The following CHRNA3 variants were observed in gnomAD, a reference collection of about 807,000 sequenced individuals.
CHRNA3 encodes the protein cholinergic receptor nicotinic alpha 3 subunit.
In CHRNA3, 34 loss-of-function variants were observed where a neutral mutation model predicts 41.9. That is an observed-to-expected ratio of 0.81 (90% CI 0.62 to 1.08). CHRNA3 has a LOEUF of 1.08. Among genes scored for constraint, CHRNA3 ranks in the 50% least tolerant of loss-of-function variants. CHRNA3 has a pLI of 0.00. For missense variants in CHRNA3, 542 were observed against 638.3 expected (o/e 0.85, Z 1.63); for synonymous variants, 281 against 265.2 (o/e 1.06, Z -0.58).
At chr15:78,597,702 C>T (rs2053135173) in intron 5 of CHRNA3, among the ~76,000 whole-genome samples, 2 of 152,114 alleles carry the variant, frequency 1.3e-5, no homozygotes, top group East Asian at 3.9e-4. Flanking sequence ...TCAATTTGGG[C>T]TTGAAATAGG....
intron 4 of CHRNA3, 140 bp from the exon 5 acceptor site, chr15:78,602,404 C>T (rs943019249): frequency 3.1e-6 from 3 of 956,482 alleles, no homozygotes; most frequent in African/African-American, 3.3e-5. Context: ...TAAAAGGTCA[C>T]CCATTTCCTG....
chr15:78,602,351 GTAAT>G, intron 4 of CHRNA3, 87 bp from the exon 5 acceptor site: 2 of 1,394,822 alleles, frequency 1.4e-6, no homozygotes, highest in Non-Finnish European at 1.9e-6. Flanking sequence ...CTCACAGTAA[GTAAT>G]GATTTGGAAG....
chr15:78,609,773 C>T (rs1054370238), intron 4 of CHRNA3, among the ~76,000 whole-genome samples: 1 of 152,156 alleles, frequency 6.6e-6, no homozygotes, highest in Non-Finnish European at 1.5e-5. Flanking sequence ...AATTAAAAGA[C>T]ACAGACTAGC....
At chr15:78,610,653 A>G (rs569643528) in intron 4 of CHRNA3, among the ~76,000 whole-genome samples, 1 of 151,842 alleles carries the variant, frequency 6.6e-6, no homozygotes, top group Admixed American at 6.6e-5. Context: ...CCCTAACATC[A>G]CAATTAAAAG....
intron 4 of CHRNA3, among the ~76,000 whole-genome samples, chr15:78,613,159 T>G (rs1315796814): frequency 6.6e-6 from 1 of 152,210 alleles, no homozygotes; most frequent in South Asian, 2.1e-4. Context: ...GAAGTCAGTG[T>G]GCCGATTCCT....
At chr15:78,613,586 GGGAGAGATAGCATTA>G in intron 4 of CHRNA3, among the ~76,000 whole-genome samples, 1 of 131,796 alleles carries the variant, frequency 7.6e-6, no homozygotes, top group South Asian at 2.9e-4. Flanking sequence ...GGGGGGAGGG[GGGAGAGATAGCATTA>G]GGAGATATAC....
At position 78,618,833 on chromosome 15, in the gene CHRNA3, G is replaced by A. The variant is rs760225919; in HGVS notation, c.165C>T (p.Asn55=). Residue 55 remains asparagine (N), a synonymous_variant, in exon 2 of 6, where the codon AAC becomes AAT. Coordinates refer to ENST00000326828, the MANE Select transcript of CHRNA3 (RefSeq NM_000743.5). The stretch of plus-strand genomic sequence containing the variant: ...AATGGATGATGACTGGGTCAGACAC[G>A]TTGGCTACAGGCCGGATGATCTCAT... The part of the protein sequence containing the change: ...DYNEIIRPVA[N]VSDPVIIHFE... 4.3e-6 allele frequency: 7 copies of A among 1,614,006 alleles called. No individual in the cohort carries two copies. The highest frequency in any genetic ancestry group is 3.3e-5 in the South Asian group (3 of 91,088).
rs779422298 is a variant in CHRNA3 at position 78,620,714 on chromosome 15, T to A, written c.81A>T (p.Pro27=). The A allele has an allele frequency of 1.6e-5, 24 of 1,493,894 alleles. No homozygotes were observed. Among genetic ancestry groups the A allele is most frequent in the Admixed American group, 2.1e-5 (1 of 47,172 alleles). 92.5% of individuals were successfully genotyped at this position (1,493,894 alleles called of 1,614,324 possible). ...LLLLLLLSLL[P]VARASEAEHR... is the part of the protein sequence containing the mutation. ...GAGCCCTAACGCCTGTGCGCGTACC[T>A]GGCAGCAGAGACAGCAGCAGCAGCA... The change falls in exon 1 of 6, where the codon CCA becomes CCT. Residue 27 remains proline (P), a splice_region_variant and synonymous_variant. Transcript: ENST00000326828.
chr15:78,595,251 A>G (rs1315907326), downstream of CHRNA3: 2 of 975,652 alleles, frequency 2.0e-6, no homozygotes, highest in Non-Finnish European at 2.4e-6. Context: ...TGATTTTTAT[A>G]TATAAATTTT....
Position 78,596,398 on chromosome 15 carries a change from G to A in CHRNA3, c.*206C>T. On this transcript the variant is annotated 3_prime_UTR_variant, in exon 6 of 6. Coordinates refer to ENST00000326828, the MANE Select transcript of CHRNA3 (RefSeq NM_000743.5). Reference sequence around the variant, plus strand: ...TGACATCTCTTTACCATACCAAAAAGGCTAGTTAAATGTTCATTTATCGGT... The same window carrying A: ...TGACATCTCTTTACCATACCAAAAAAGCTAGTTAAATGTTCATTTATCGGT... The A allele has an allele frequency of 2.4e-6, 3 of 1,233,690 alleles. No homozygotes were observed. The highest frequency in any genetic ancestry group is 3.0e-6 in the Non-Finnish European group (3 of 986,984). 76.4% of individuals were successfully genotyped at this position (1,233,690 alleles called of 1,614,324 possible).
At position 78,596,376 on chromosome 15, in the gene CHRNA3, C is replaced by T. The variant is rs200383728; in HGVS notation, c.*228G>A. 23 of 1,176,478 alleles carry T rather than the reference C, an allele frequency of 2.0e-5. No individual in the cohort carries two copies. Among genetic ancestry groups the T allele is most frequent in the Non-Finnish European group, 2.2e-5 (21 of 951,414 alleles). 72.9% of individuals were successfully genotyped at this position (1,176,478 alleles called of 1,614,324 possible). A position where few individuals can be genotyped will look rare whatever the true frequency, so the allele number is the denominator to read the frequency against. On this transcript the variant is annotated 3_prime_UTR_variant, in exon 6 of 6. Transcript: ENST00000326828. ...CTAATCACATAGAATCACATTTTGA[C>T]ATCTCTTTACCATACCAAAAAGGCT...
Position 78,601,594 on chromosome 15 carries a change from G to A in CHRNA3, c.1048C>T (p.Leu350Phe), listed in dbSNP as rs1292414441. The change falls in exon 5 of 6, where the codon CTC becomes TTC. Residue 350 changes from leucine to phenylalanine, a missense_variant. Physicochemically the swap from Leu to Phe is conservative, Grantham distance 22. Transcript: ENST00000326828. The stretch of plus-strand genomic sequence containing the variant: ...CTGGTCATGAACATGACCCTGGGGA[G>A]CAGGTTCAAGAATACAGTCTTCACC... The part of the protein sequence containing the change: ...SWVKTVFLNL[L>F]PRVMFMTRPT... The A allele has an allele frequency of 1.2e-6, 2 of 1,614,188 alleles. No homozygotes were observed. The highest frequency in any genetic ancestry group is 1.7e-6 in the Non-Finnish European group (2 of 1,180,046).
downstream of CHRNA3, chr15:78,593,131 C>T (rs138253116): frequency 1.1e-4 from 183 of 1,612,846 alleles, no homozygotes; most frequent in East Asian, 1.6e-4. Context: ...GGTTCTTGAT[C>T]GGATGTTTCT....
chr15:78,605,372 C>G (rs895149963), intron 4 of CHRNA3, among the ~76,000 whole-genome samples: 3 of 152,156 alleles, frequency 2.0e-5, no homozygotes, highest in African/African-American at 7.2e-5. Context: ...ACCACCACCA[C>G]CAGCAGGACC....
chr15:78,601,628 C>A lies in CHRNA3; in HGVS notation c.1014G>T (p.Met338Ile), dbSNP rs773373066. 1.9e-6 allele frequency: 3 copies of A among 1,614,152 alleles called. No homozygotes were observed. The Admixed American group carries it at 5.0e-5, about 27-fold the overall frequency. Residue 338 changes from methionine (M) to isoleucine (I), a missense_variant, in exon 5 of 6, where the codon ATG becomes ATT. Physicochemically the swap from Met to Ile is conservative, Grantham distance 10. Transcript: ENST00000326828. The stretch of plus-strand genomic sequence containing the variant: ...AGAATACAGTCTTCACCCATGAGGG[C>A]ATTGTGTGTGTCGTCGGGGTTCTGT... ...VHYRTPTTHTMPSWVKTVFLN... is the reference protein window; with the variant it reads ...VHYRTPTTHTIPSWVKTVFLN...
At chr15:78,615,852 T>C (rs914681524) in intron 4 of CHRNA3, among the ~76,000 whole-genome samples, 4 of 150,112 alleles carry the variant, frequency 2.7e-5, no homozygotes, top group African/African-American at 9.8e-5. Flanking sequence ...GCGATTCTCC[T>C]GCCTCAGCCT....
At chr15:78,612,977 C>T (rs1296024192) in intron 4 of CHRNA3, among the ~76,000 whole-genome samples, 2 of 152,238 alleles carry the variant, frequency 1.3e-5, no homozygotes, top group East Asian at 1.9e-4. Context: ...AAATGCTCAT[C>T]GTCACTGGCC....
chr15:78,607,297 A>G (rs1228449786), intron 4 of CHRNA3: 1 of 152,212 alleles, frequency 6.6e-6, no homozygotes, highest in Non-Finnish European at 1.5e-5. Context: ...ACCTAAAAGT[A>G]TTCTCTAAAA....
Position 78,601,802 on chromosome 15 carries a change from G to C in CHRNA3, c.840C>G (p.Leu280=). The change falls in exon 5 of 6, where the codon CTC becomes CTG. Residue 280 remains leucine (L), a synonymous_variant. Transcript: ENST00000326828. ...GEKVTLCISV[L]LSLTVFLLVI... ...CCAGGAGAAACACCGTCAGGGAGAG[G>C]AGGACAGAAATGCACAGGGTCACCT... is the stretch of plus-strand genomic sequence containing the variant. 1 of 1,614,168 alleles carries C rather than the reference G, an allele frequency of 6.2e-7. No individual in the cohort carries two copies. The highest frequency in any genetic ancestry group is 8.5e-7 in the Non-Finnish European group (1 of 1,180,034).
Sources: allele counts gnomAD v4.1 joint callset (sites outside exome capture counted in the v4.1 genomes callset), GRCh38; gene constraint gnomAD v4.1.1; transcripts MANE v1.5; gene names NCBI Gene and HGNC (gene_info 2026-07-23, HGNC 2026-07-21).